TMIGD3: variants seen among roughly 807,000 people sequenced by gnomAD.
TMIGD3 encodes the protein transmembrane and immunoglobulin domain containing 3.
Under a neutral mutation model 28.1 loss-of-function variants are expected in TMIGD3, and 21 were observed. The ratio of observed to expected loss-of-function variants is 0.75; its 90% CI spans 0.53 to 1.08. TMIGD3 has a LOEUF of 1.08. Ranked by LOEUF, TMIGD3 falls within the 50% of genes least tolerant of loss-of-function variation. The pLI, the probability that TMIGD3 is intolerant of heterozygous loss-of-function variation, is 0.00. For missense variants in TMIGD3, 416 were observed against 435.6 expected (o/e 0.96, Z 0.40); for synonymous variants, 151 against 162.1 (o/e 0.93, Z 0.52).
At chr1:111,508,242 G>A (rs1447499206), upstream of TMIGD3, among the ~76,000 whole-genome samples, 1 of 152,258 alleles carries the variant, frequency 6.6e-6, no homozygotes, top group African/African-American at 2.4e-5. Flanking sequence ...CTGGGGGAAA[G>A]AGAAGGGTTC....
intron 1 of TMIGD3, among the ~76,000 whole-genome samples, chr1:111,520,409 A>G (rs1483422768): frequency 6.6e-6 from 1 of 152,224 alleles, no homozygotes; most frequent in Non-Finnish European, 1.5e-5. Context: ...CAACAAGATA[A>G]TAAGATGATG....
rs77848158 is a variant in TMIGD3 at position 111,486,593 on chromosome 1, G to C, written c.865C>G (p.Arg289Gly). The stretch of plus-strand genomic sequence containing the variant: ...GCCAAGACTATGACTCACCTGGAGC[G>C]GTCAGCCTTGCGGACAACTTTGGGA... ...KAPKVVRKAD[R>G]SRTSILIICI... Residue 289 changes from arginine (R) to glycine (G), a missense_variant, in exon 4 of 6, where the codon CGC becomes GGC. Transcript: ENST00000369716. 6.2e-7 allele frequency: 1 copy of C among 1,612,802 alleles called. No homozygotes were observed. The highest frequency in any genetic ancestry group is 1.1e-5 in the South Asian group (1 of 91,012).
At chr1:111,560,199 T>C (rs533277828) in intron 1 of TMIGD3, among the ~76,000 whole-genome samples, 1 of 152,248 alleles carries the variant, frequency 6.6e-6, no homozygotes, top group African/African-American at 2.4e-5. Flanking sequence ...AAGAGAAGAC[T>C]CCCCACCTAC....
At chr1:111,489,129 G>T in intron 2 of TMIGD3, 105 bp from the exon 3 acceptor site, 1 of 1,162,680 alleles carries the variant, frequency 8.6e-7, no homozygotes, top group Non-Finnish European at 1.2e-6. Flanking sequence ...TTAAAGAATC[G>T]GAGGCTGATT....
At chr1:111,563,721 G>A (rs547689042) in intron 1 of TMIGD3, 85 of 701,728 alleles carry the variant, frequency 1.2e-4, no homozygotes, top group Middle Eastern at 2.5e-4. Context: ...TATTTTACAC[G>A]CTAGGACAAA....
At chr1:111,542,262 C>T in intron 1 of TMIGD3, 1 of 607,020 alleles carries the variant, frequency 1.6e-6, no homozygotes, top group South Asian at 1.4e-5. Flanking sequence ...ATATTGAGGC[C>T]GTATTTCAGG....
intron 1 of TMIGD3, among the ~76,000 whole-genome samples, chr1:111,556,347 CTATA>C (rs1657492360): frequency 6.6e-6 from 1 of 152,194 alleles, no homozygotes; most frequent in Non-Finnish European, 1.5e-5. Context: ...TGTACAAGTG[CTATA>C]TAAAATAGTA....
intron 1 of TMIGD3, among the ~76,000 whole-genome samples, chr1:111,537,188 G>A (rs922247372): frequency 6.6e-6 from 1 of 152,196 alleles, no homozygotes; most frequent in African/African-American, 2.4e-5. Flanking sequence ...CACCATTGGA[G>A]CAATGGCTCC....
intron 1 of TMIGD3, among the ~76,000 whole-genome samples, chr1:111,527,517 A>G (rs1275763351): frequency 6.6e-6 from 1 of 152,196 alleles, no homozygotes; most frequent in Non-Finnish European, 1.5e-5. Context: ...TCATTTGGAT[A>G]AATACCCCTA....
chr1:111,497,857 C>T (rs1157907617), intron 1 of TMIGD3, among the ~76,000 whole-genome samples: 1 of 152,190 alleles, frequency 6.6e-6, no homozygotes, highest in African/African-American at 2.4e-5. Flanking sequence ...TAGTGTACAA[C>T]GTAGTGTATC....
At chr1:111,541,289 T>C (rs939151563) in intron 1 of TMIGD3, among the ~76,000 whole-genome samples, 1 of 152,224 alleles carries the variant, frequency 6.6e-6, no homozygotes, top group Admixed American at 6.5e-5. Flanking sequence ...ATGGGATTGA[T>C]TAATTGCTTC....
rs189694386 is a variant in TMIGD3, at chr1:111,558,331, C to T, written c.107+5515G>A. Among the ~76,000 whole-genome samples the T allele has an allele frequency of 1.9e-4, 28 of 148,402 alleles. No homozygotes were observed. In the East Asian group the frequency reaches 5.4e-3, roughly 28 times the overall value. On this transcript the variant is annotated intron_variant, in intron 1 of 5. Transcript: ENST00000369717. ...TAGCGAGGACTACAGGCACGTGCCA[C>T]CACTCCCAGCTAATTTTTCTATTTT...
chr1:111,514,770 G>T (rs751409416), intron 1 of TMIGD3, among the ~76,000 whole-genome samples: 1 of 151,934 alleles, frequency 6.6e-6, no homozygotes. Flanking sequence ...CACAATAATG[G>T]TAACACTCCA....
At chr1:111,515,674 C>T (rs930359282) in intron 1 of TMIGD3, among the ~76,000 whole-genome samples, 6 of 152,190 alleles carry the variant, frequency 3.9e-5, no homozygotes, top group African/African-American at 1.4e-4. Flanking sequence ...CTGAGGGGGC[C>T]CTGGCGCCGG....
At chr1:111,538,269 G>A (rs1157338198) in intron 1 of TMIGD3, among the ~76,000 whole-genome samples, 3 of 152,162 alleles carry the variant, frequency 2.0e-5, no homozygotes, top group African/African-American at 7.2e-5. Context: ...GGTTGTACCT[G>A]GGCGACTCCT....
chr1:111,563,332 A>T (rs1657821096), intron 1 of TMIGD3, among the ~76,000 whole-genome samples: 1 of 152,194 alleles, frequency 6.6e-6, no homozygotes, highest in Non-Finnish European at 1.5e-5. Flanking sequence ...TGCTCTTAAC[A>T]ACAAGCAGCT....
At chr1:111,491,819 G>T (rs528154727) in intron 1 of TMIGD3, among the ~76,000 whole-genome samples, 2 of 152,310 alleles carry the variant, frequency 1.3e-5, no homozygotes, top group South Asian at 4.1e-4. Flanking sequence ...AAACAATTTA[G>T]AATATATGGA....
chr1:111,488,778 C>T lies in TMIGD3; in HGVS notation c.704G>A (p.Cys235Tyr). The change falls in exon 3 of 6, where the codon TGT (cysteine) becomes TAT (tyrosine). Residue 235 changes from cysteine to tyrosine, a missense_variant. By Grantham distance (194) the Cys-to-Tyr change is radical. Coordinates refer to ENST00000369716, the MANE Select transcript of TMIGD3 (RefSeq NM_020683.7). Reference protein sequence around the residue: ...LTKEDTGWYWCGIQRDFARDD... With the variant: ...LTKEDTGWYWYGIQRDFARDD... ...CCTGGCAAAGTCCCGCTGGATGCCA[C>T]ACCAGTACCAGCCCGTGTCCTCTTT... The T allele has an allele frequency of 6.2e-7, 1 of 1,614,224 alleles. No individual in the cohort carries two copies. Among genetic ancestry groups the T allele is most frequent in the Non-Finnish European group, 8.5e-7 (1 of 1,180,036 alleles).
intron 1 of TMIGD3, among the ~76,000 whole-genome samples, chr1:111,553,886 A>G (rs1657375476): frequency 6.6e-6 from 1 of 152,250 alleles, no homozygotes; most frequent in African/African-American, 2.4e-5. Context: ...AAACATCTGT[A>G]GAACTTAAGA....
Sources: gnomAD v4.1 joint callset for allele counts (sites outside exome capture counted in the v4.1 genomes callset) on GRCh38, gnomAD v4.1.1 for gene constraint, MANE v1.5 for transcripts, NCBI Gene and HGNC (gene_info 2026-07-23, HGNC 2026-07-21) for gene names.